The following MGST1 variants were observed in gnomAD, a reference collection of about 807,000 sequenced individuals.
The protein encoded by MGST1 is microsomal glutathione S-transferase 1, also known as glutathione S-transferase 12.
A neutral mutation model predicts 8.9 loss-of-function variants in MGST1; 5 were observed. That is an observed-to-expected ratio of 0.56 (90% CI 0.29 to 1.19). The LOEUF (loss-of-function observed/expected upper bound fraction) is 1.19, where lower values mean the gene tolerates loss of function less well. Ranked by LOEUF, MGST1 falls within the 50% of genes most tolerant of loss-of-function variation. The pLI is 0.08. For synonymous variants in MGST1, 54 were observed against 67.8 expected, an observed-to-expected ratio of 0.80 and a Z score of 1.00; for missense variants, 182 against 187.4, an observed-to-expected ratio of 0.97 and a Z score of 0.17.
intron 4 of MGST1, among the ~76,000 whole-genome samples, chr12:16,472,798 A>G (rs1211124681): frequency 3.9e-5 from 6 of 152,172 alleles, no homozygotes; most frequent in African/African-American, 7.2e-5. Flanking sequence ...ATTTATTTCA[A>G]TTGGCGTTGT....
downstream of MGST1, among the ~76,000 whole-genome samples, chr12:16,382,154 T>C (rs1940462527): frequency 6.6e-6 from 1 of 152,242 alleles, no homozygotes; most frequent in African/African-American, 2.4e-5. Context: ...AGTCATTCTC[T>C]GTCCCGCTTT....
chr12:16,433,986 A>G (rs1013244761), intron 1 of MGST1, among the ~76,000 whole-genome samples: 9 of 151,996 alleles, frequency 5.9e-5, no homozygotes, highest in Admixed American at 2.0e-4. Context: ...TGTGTATTGG[A>G]GAAAATTGCT....
Position 16,560,869 on chromosome 12 carries a change from A to C in MGST1, n.483-28659A>C, listed in dbSNP as rs945252438. On this transcript the variant is annotated intron_variant and non_coding_transcript_variant, in intron 4 of 4. Transcript: ENST00000538857. The surrounding 1 kb of genome is among the most constrained non-coding windows in gnomAD (Gnocchi z 5.0). ...AGAGTATATAGAAAATATAAAAGCA[A>C]TATAACTTTGCTCTTAATGTTATAT... 5 of 279,562 alleles carry C rather than the reference A, an allele frequency of 1.8e-5. No individual in the cohort carries two copies. The highest frequency in any genetic ancestry group is 1.2e-4 in the Admixed American group (3 of 25,402). 17.3% of individuals were successfully genotyped at this position (279,562 alleles called of 1,614,324 possible).
Position 16,513,515 on chromosome 12 carries a change from A to T in MGST1, n.483-76013A>T, listed in dbSNP as rs1941590680. On this transcript the variant is annotated intron_variant and non_coding_transcript_variant, in intron 4 of 4. Transcript: ENST00000538857. The surrounding 1 kb of genome is among the most constrained non-coding windows in gnomAD (Gnocchi z 4.2). ...ACCCATGTGGAGATGGGACCACCAG[A>T]TCCCATCCTTGGAGTCACCGAAGGC... is the stretch of plus-strand genomic sequence containing the variant. The T allele has an allele frequency of 2.1e-6, 1 of 479,526 alleles. No individual in the cohort carries two copies. Among genetic ancestry groups the T allele is most frequent in the African/African-American group, 2.0e-5 (1 of 50,438 alleles). 29.7% of individuals were successfully genotyped at this position (479,526 alleles called of 1,614,324 possible).
Position 16,586,382 on chromosome 12 carries a change from G to A in MGST1, n.483-3146G>A, listed in dbSNP as rs1943320784. On this transcript the variant is annotated intron_variant and non_coding_transcript_variant, in intron 4 of 4. Transcript: ENST00000538857. This position sits in a 1 kb window ranked among gnomAD's most constrained non-coding sequence, Gnocchi z 4.3. ...AGAACCACTGCATGGCTGTGGCAAG[G>A]AGAGCGGAGGATCCTAATCTTCCCC... Among the ~76,000 whole-genome samples, 1 of 152,162 alleles carries A rather than the reference G, an allele frequency of 6.6e-6. No homozygotes were observed.
intron 1 of MGST1, among the ~76,000 whole-genome samples, chr12:16,348,337 C>G (rs545030089): frequency 4.0e-4 from 61 of 152,160 alleles, no homozygotes; most frequent in Non-Finnish European, 7.6e-4. Flanking sequence ...GGGTGAGCCC[C>G]TTGGGACGGT....
chr12:16,368,965 A>G (rs966903690), downstream of MGST1, among the ~76,000 whole-genome samples: 6 of 152,174 alleles, frequency 3.9e-5, no homozygotes, highest in African/African-American at 1.4e-4. Flanking sequence ...TAAGCCAGAC[A>G]TAATTTTTAA....
At chr12:16,430,640 A>C (rs1020251605) in intron 1 of MGST1, among the ~76,000 whole-genome samples, 4 of 151,962 alleles carry the variant, frequency 2.6e-5, no homozygotes, top group Admixed American at 2.6e-4. Context: ...AGTAGGTCTT[A>C]ACAGTGGACT....
intron 1 of MGST1, among the ~76,000 whole-genome samples, chr12:16,419,230 C>T (rs943995027): frequency 1.3e-5 from 2 of 152,138 alleles, no homozygotes; most frequent in African/African-American, 4.8e-5. Context: ...TCCAAATGCT[C>T]TGTTCTTGCC....
chr12:16,376,839 ATAT>A (rs1308014667), exon 4 of MGST1: 1 of 152,100 alleles, frequency 6.6e-6, no homozygotes, highest in Non-Finnish European at 1.5e-5. Context: ...ATATTAGATG[ATAT>A]TATATATATC....
intron 4 of MGST1, among the ~76,000 whole-genome samples, chr12:16,445,186 A>G (rs897209031): frequency 4.0e-5 from 6 of 151,486 alleles, no homozygotes; most frequent in African/African-American, 1.5e-4. Context: ...GGCCAGAGCA[A>G]TGTTCTTAGG....
At position 16,372,317 on chromosome 12, in the gene MGST1, T is replaced by A. The variant is rs1193712579; in HGVS notation, c.222-3805T>A. On this transcript the variant is annotated intron_variant, in intron 3 of 3. Coordinates refer to the MGST1 transcript ENST00000535309. ...TTAATAACAAGAACATATAAGAAGCTCAAATAACTCAATAGCCAAAAGTCA... is the reference window on the plus strand; with the variant it reads ...TTAATAACAAGAACATATAAGAAGCACAAATAACTCAATAGCCAAAAGTCA... Among the ~76,000 whole-genome samples, 6 of 151,988 alleles carry A rather than the reference T, an allele frequency of 3.9e-5. No homozygotes were observed. In the South Asian group the frequency reaches 6.2e-4, roughly 16 times the overall value.
At chr12:16,421,062 C>T (rs545179107) in intron 1 of MGST1, among the ~76,000 whole-genome samples, 32 of 152,216 alleles carry the variant, frequency 2.1e-4, no homozygotes, top group Non-Finnish European at 3.5e-4. Flanking sequence ...TTTTCCCCAT[C>T]CTTGGCGGCC....
downstream of MGST1, among the ~76,000 whole-genome samples, chr12:16,377,535 C>G (rs1415509006): frequency 6.6e-6 from 1 of 152,066 alleles, no homozygotes; most frequent in African/African-American, 2.4e-5. Context: ...TTTTCTTAAT[C>G]CAGTCTATCG....
At chr12:16,472,933 G>T (rs1666677149) in intron 4 of MGST1, among the ~76,000 whole-genome samples, 1 of 152,158 alleles carries the variant, frequency 6.6e-6, no homozygotes, top group African/African-American at 2.4e-5. Flanking sequence ...CGGTTTCTTA[G>T]CTTCTTGCAT....
In MGST1 at chr12:16,401,956, T is replaced by C; in HGVS notation, n.778+18352T>C. 1 of 1,612,316 alleles carries C rather than the reference T, an allele frequency of 6.2e-7. No individual in the cohort carries two copies. The highest frequency in any genetic ancestry group is 8.5e-7 in the Non-Finnish European group (1 of 1,178,272). On this transcript the variant is annotated intron_variant and non_coding_transcript_variant, in intron 1 of 1. Transcript: ENST00000359720. This position sits in a 1 kb window ranked among gnomAD's most constrained non-coding sequence, Gnocchi z 4.3. The stretch of plus-strand genomic sequence containing the variant: ...ATATCTATTTTGTCAAAGCCTTCTT[T>C]GTTGAGGCAGTCATTCCAGCTCTTC...
At chr12:16,359,312 T>C (rs1241818948) in intron 3 of MGST1, among the ~76,000 whole-genome samples, 1 of 152,184 alleles carries the variant, frequency 6.6e-6, no homozygotes, top group Non-Finnish European at 1.5e-5. Flanking sequence ...TTTTCAGCAC[T>C]AAAATTAAAA....
chr12:16,372,423 A>G (rs1323418098), intron 3 of MGST1, among the ~76,000 whole-genome samples: 1 of 152,124 alleles, frequency 6.6e-6, no homozygotes, highest in African/African-American at 2.4e-5. Flanking sequence ...TAGTATATGA[A>G]AAAACACACA....
At chr12:16,359,786 G>C (rs1939902549) in intron 3 of MGST1, among the ~76,000 whole-genome samples, 1 of 152,172 alleles carries the variant, frequency 6.6e-6, no homozygotes, top group Non-Finnish European at 1.5e-5. Flanking sequence ...GTGATCAGAA[G>C]CAATTAGACC....
Sources: allele counts gnomAD v4.1 joint callset (sites outside exome capture counted in the v4.1 genomes callset), GRCh38; gene constraint gnomAD v4.1.1; non-coding constraint Gnocchi (gnomAD v3.1); transcripts MANE v1.5; gene names NCBI Gene and HGNC (gene_info 2026-07-23, HGNC 2026-07-21).